Variants in FLT3 observed in about 807,000 individuals in gnomAD.
The protein encoded by FLT3 is receptor-type tyrosine-protein kinase FLT3.
A neutral mutation model predicts 126.6 loss-of-function variants in FLT3; 46 were observed. That is an observed-to-expected ratio of 0.36 (90% CI 0.29 to 0.46). FLT3 has a LOEUF of 0.46. Ranked by LOEUF, FLT3 falls within the 20% of genes least tolerant of loss-of-function variation. The pLI is 1.00. For missense variants in FLT3, 1,069 were observed against 1,190.3 expected (o/e 0.90, Z 1.50); for synonymous variants, 404 against 434.4 (o/e 0.93, Z 0.87).
intron 4 of FLT3, among the ~76,000 whole-genome samples, chr13:28,056,959 C>A (rs1876063446): frequency 6.6e-6 from 1 of 152,058 alleles, no homozygotes; most frequent in Non-Finnish European, 1.5e-5. Flanking sequence ...CTCATTTTAC[C>A]AATAAGGAAA....
At chr13:28,096,742 A>C (rs1434895557) in intron 1 of FLT3, among the ~76,000 whole-genome samples, 1 of 152,188 alleles carries the variant, frequency 6.6e-6, no homozygotes, top group African/African-American at 2.4e-5. Flanking sequence ...AGACTCATGC[A>C]ATTTTTAATG....
At chr13:28,089,816 C>A (rs1878912834) in intron 1 of FLT3, among the ~76,000 whole-genome samples, 1 of 151,110 alleles carries the variant, frequency 6.6e-6, no homozygotes, top group Admixed American at 6.6e-5. Flanking sequence ...CTCACTGCAA[C>A]CTCCACCTCC....
intron 1 of FLT3, among the ~76,000 whole-genome samples, chr13:28,088,186 T>C (rs1878803704): frequency 6.6e-6 from 1 of 152,232 alleles, no homozygotes; most frequent in African/African-American, 2.4e-5. Flanking sequence ...ATGTCTTGCA[T>C]TTAAGCTGGG....
chr13:28,093,806 A>G (rs918251235), intron 1 of FLT3, among the ~76,000 whole-genome samples: 12 of 152,074 alleles, frequency 7.9e-5, no homozygotes, highest in Non-Finnish European at 1.3e-4. Context: ...ACCTTCTCCC[A>G]CCAACACCCC....
At chr13:28,061,370 T>C (rs1404015102) in intron 3 of FLT3, among the ~76,000 whole-genome samples, 1 of 150,698 alleles carries the variant, frequency 6.6e-6, no homozygotes, top group Non-Finnish European at 1.5e-5. Context: ...GGTTCATTTT[T>C]TGTGTTATAC....
intron 12 of FLT3, 70 bp downstream of exon 12, chr13:28,035,425 G>T: frequency 1.4e-6 from 2 of 1,440,010 alleles, no homozygotes; most frequent in Non-Finnish European, 1.9e-6. Context: ...CCAAGTAAAA[G>T]TCAGCGATGG....
intron 23 of FLT3, among the ~76,000 whole-genome samples, chr13:28,011,411 C>G (rs1871349214): frequency 6.6e-6 from 1 of 151,038 alleles, no homozygotes; most frequent in Admixed American, 6.6e-5. Flanking sequence ...GAAGATCACC[C>G]TGGGGAAGGT....
intron 3 of FLT3, among the ~76,000 whole-genome samples, chr13:28,060,240 CAA>C (rs71086821): frequency 6.2e-5 from 7 of 113,050 alleles, no homozygotes; most frequent in East Asian, 2.4e-4. Flanking sequence ...ACTAAAAATA[CAA>C]AAAAAAAAAA....
intron 1 of FLT3, among the ~76,000 whole-genome samples, chr13:28,088,584 CTTTTTTTT>C (rs34680883): frequency 1.9e-5 from 2 of 103,342 alleles, no homozygotes; most frequent in African/African-American, 7.6e-5. Context: ...CATCCAAAAC[CTTTTTTTT>C]TTTTTTTTTT....
chr13:28,056,130 G>A (rs1875979682), intron 4 of FLT3, among the ~76,000 whole-genome samples: 1 of 152,160 alleles, frequency 6.6e-6, no homozygotes, highest in South Asian at 2.1e-4. Context: ...GCTCTCTTCT[G>A]TTAGTAGCTT....
chr13:28,005,184 C>A (rs1485756612), intron 23 of FLT3, among the ~76,000 whole-genome samples: 1 of 152,158 alleles, frequency 6.6e-6, no homozygotes, highest in African/African-American at 2.4e-5. Flanking sequence ...ACAAAACTAG[C>A]CGGGCATGGC....
At chr13:28,079,859 A>C (rs1463534490) in intron 1 of FLT3, among the ~76,000 whole-genome samples, 1 of 152,168 alleles carries the variant, frequency 6.6e-6, no homozygotes, top group Non-Finnish European at 1.5e-5. Context: ...GACACAGCCA[A>C]ACCATATCAC....
chr13:28,091,922 T>C (rs1410887937), intron 1 of FLT3, among the ~76,000 whole-genome samples: 1 of 151,534 alleles, frequency 6.6e-6, no homozygotes, highest in Non-Finnish European at 1.5e-5. Flanking sequence ...ATACAAAAAT[T>C]AGCCAGGCGT....
chr13:28,046,140 T>C (rs1874857072), intron 9 of FLT3, among the ~76,000 whole-genome samples: 1 of 152,098 alleles, frequency 6.6e-6, no homozygotes, highest in South Asian at 2.1e-4. Flanking sequence ...GCGCCACTGT[T>C]GACAAACCCT....
At chr13:28,054,603 T>A (rs1392845881) in intron 4 of FLT3, among the ~76,000 whole-genome samples, 2 of 152,072 alleles carry the variant, frequency 1.3e-5, no homozygotes, top group African/African-American at 4.8e-5. Context: ...CAATTCAATA[T>A]GAGCAGCAAA....
At chr13:28,021,973 G>C (rs79370764) in intron 19 of FLT3, among the ~76,000 whole-genome samples, 4 of 151,978 alleles carry the variant, frequency 2.6e-5, no homozygotes, top group South Asian at 4.2e-4. Flanking sequence ...TCCTGACCTC[G>C]TGATTCACCC....
chr13:28,017,708 A>G (rs1272089596), intron 20 of FLT3, among the ~76,000 whole-genome samples: 4 of 140,056 alleles, frequency 2.9e-5, no homozygotes, highest in Non-Finnish European at 6.1e-5. Context: ...CTTGTTGCCC[A>G]GGCTGGAGTG....
intron 17 of FLT3, among the ~76,000 whole-genome samples, chr13:28,025,947 G>A (rs1053739500): frequency 5.3e-5 from 8 of 152,054 alleles, no homozygotes; most frequent in African/African-American, 7.2e-5. Flanking sequence ...AAACAAAGCC[G>A]GGACTCTCAA....
intron 15 of FLT3, among the ~76,000 whole-genome samples, chr13:28,032,935 T>C (rs1873475715): frequency 6.6e-6 from 1 of 152,104 alleles, no homozygotes; most frequent in Admixed American, 6.5e-5. Flanking sequence ...TTTTGCTGGG[T>C]CAGCGGTGGT....
Sources: allele counts gnomAD v4.1 joint callset (sites outside exome capture counted in the v4.1 genomes callset), GRCh38; gene constraint gnomAD v4.1.1; transcripts MANE v1.5; gene names NCBI Gene and HGNC (gene_info 2026-07-23, HGNC 2026-07-21).